Variants in ABCA1 observed in about 807,000 individuals in gnomAD.
ABCA1 encodes the protein ATP binding cassette subfamily A member 1, also known as phospholipid-transporting ATPase ABCA1.
In ABCA1, 133 loss-of-function variants were observed where a neutral mutation model predicts 262.5. That is an observed-to-expected ratio of 0.51 (90% CI 0.44 to 0.59). The LOEUF is 0.59. Ranked by LOEUF, ABCA1 falls within the 20% of genes least tolerant of loss-of-function variation. ABCA1 has a pLI of 0.00. For missense variants in ABCA1, 2,452 were observed against 2,777.5 expected (o/e 0.88, Z 2.63); for synonymous variants, 1,022 against 1,043.5 (o/e 0.98, Z 0.40).
intron 5 of ABCA1, among the ~76,000 whole-genome samples, chr9:104,871,750 G>T (rs1389033137): frequency 6.6e-6 from 1 of 152,060 alleles, no homozygotes; most frequent in Non-Finnish European, 1.5e-5. Context: ...GAGATAGGAA[G>T]TATGAAGAAA....
chr9:104,810,759 T>C (rs1325849621), intron 29 of ABCA1, 41 bp downstream of exon 29: 1 of 1,614,014 alleles, frequency 6.2e-7, no homozygotes, highest in Non-Finnish European at 8.5e-7. Flanking sequence ...TTTGGTCTGC[T>C]CGAATCTTAC....
intron 2 of ABCA1, among the ~76,000 whole-genome samples, chr9:104,896,757 G>A (rs1404416760): frequency 1.1e-5 from 1 of 91,686 alleles, no homozygotes. Flanking sequence ...TTCAGACAGA[G>A]TTTCACTCTG....
rs191889535 is a variant in ABCA1 at position 104,794,574 on chromosome 9, A to G, written c.5383-64T>C. On this transcript the variant is annotated intron_variant, in intron 39 of 49. Transcript: ENST00000374736. ...GAGGGAGAAGAAACGGGTGTCATTCATGGTTTATCCTAAAAATGTATCAAG... is the reference window on the plus strand; with the variant it reads ...GAGGGAGAAGAAACGGGTGTCATTCGTGGTTTATCCTAAAAATGTATCAAG... The G allele has an allele frequency of 1.5e-3, 2,344 of 1,566,620 alleles. 35 individuals carry two copies. The highest frequency in any genetic ancestry group is 3.6e-3 in the East Asian group (159 of 43,978).
intron 42 of ABCA1, among the ~76,000 whole-genome samples, chr9:104,792,263 A>T (rs1829490813): frequency 6.6e-6 from 1 of 152,164 alleles, no homozygotes; most frequent in African/African-American, 2.4e-5. Context: ...TATCTACATA[A>T]TTTTTCATCT....
At chr9:104,804,408 C>T (rs1307181828) in intron 32 of ABCA1, among the ~76,000 whole-genome samples, 2 of 152,216 alleles carry the variant, frequency 1.3e-5, no homozygotes, top group African/African-American at 4.8e-5. Flanking sequence ...TTTCTATTTT[C>T]ATTCTAGACC....
At chr9:104,867,094 G>C (rs1356683468) in intron 5 of ABCA1, among the ~76,000 whole-genome samples, 1 of 152,178 alleles carries the variant, frequency 6.6e-6, no homozygotes, top group East Asian at 1.9e-4. Flanking sequence ...AGTGAGTTAG[G>C]GAAAAGATGA....
intron 8 of ABCA1, among the ~76,000 whole-genome samples, chr9:104,844,501 T>C (rs1834685150): frequency 6.6e-6 from 1 of 152,154 alleles, no homozygotes; most frequent in Non-Finnish European, 1.5e-5. Flanking sequence ...CATTTTTGTA[T>C]TTTCCAAGTC....
chr9:104,840,984 C>T (rs566806577), intron 8 of ABCA1, among the ~76,000 whole-genome samples: 4 of 152,312 alleles, frequency 2.6e-5, no homozygotes, highest in African/African-American at 9.6e-5. Context: ...TCAGGAACTG[C>T]TCTCATCCTC....
At chr9:104,889,024 A>G (rs1036455347) in intron 3 of ABCA1, 78 bp downstream of exon 3, 2 of 1,262,086 alleles carry the variant, frequency 1.6e-6, no homozygotes, top group Non-Finnish European at 2.3e-6. Flanking sequence ...TCTTTGGAAA[A>G]GTCCAATTTA....
intron 5 of ABCA1, among the ~76,000 whole-genome samples, chr9:104,862,669 CGGGCCGGGCCGGGCCGGGCCGGGCCG>C (rs1836654442): frequency 3.1e-4 from 3 of 9,814 alleles, no homozygotes; most frequent in Non-Finnish European, 6.7e-4. Flanking sequence ...CGGGCCGGGC[CGGGCCGGGCCGGGCCGGGCCGGGCCG>C]GGCCGGCCCC....
chr9:104,799,547 TTTAA>T (rs1300451697), intron 36 of ABCA1: 31 of 981,658 alleles, frequency 3.2e-5, no homozygotes, highest in Non-Finnish European at 3.6e-5. Flanking sequence ...TAAATTATAA[TTTAA>T]TTAACAATTT....
chr9:104,912,228 C>T (rs912290005), intron 1 of ABCA1, among the ~76,000 whole-genome samples: 1 of 152,222 alleles, frequency 6.6e-6, no homozygotes, highest in East Asian at 1.9e-4. Flanking sequence ...ATGTTGTCAA[C>T]AATATAATTT....
intron 11 of ABCA1, among the ~76,000 whole-genome samples, chr9:104,836,204 T>G (rs1833803645): frequency 1.3e-5 from 2 of 152,144 alleles, no homozygotes; most frequent in Admixed American, 1.3e-4. Flanking sequence ...TCGGAAGTGT[T>G]CCCCCTAGGT....
chr9:104,869,039 G>A (rs1837346261), intron 5 of ABCA1, among the ~76,000 whole-genome samples: 2 of 152,066 alleles, frequency 1.3e-5, no homozygotes, highest in South Asian at 4.1e-4. Flanking sequence ...GGGAAAGAAG[G>A]AGGAAAGGAG....
At chr9:104,870,066 G>T (rs1056443279) in intron 5 of ABCA1, among the ~76,000 whole-genome samples, 1 of 152,238 alleles carries the variant, frequency 6.6e-6, no homozygotes, top group African/African-American at 2.4e-5. Flanking sequence ...ATTCCCAAGA[G>T]AAACCAGGAT....
At chr9:104,893,287 T>G (rs562855233) in intron 2 of ABCA1, among the ~76,000 whole-genome samples, 4 of 151,540 alleles carry the variant, frequency 2.6e-5, no homozygotes, top group South Asian at 4.2e-4. Flanking sequence ...CTGGGCATGG[T>G]GGCGGGAGCC....
chr9:104,842,162 T>C (rs1834434575), intron 8 of ABCA1, among the ~76,000 whole-genome samples: 1 of 152,092 alleles, frequency 6.6e-6, no homozygotes, highest in Non-Finnish European at 1.5e-5. Flanking sequence ...TCTCCAGAGG[T>C]GGGTCAGAGG....
At chr9:104,864,907 C>A (rs932275511) in intron 5 of ABCA1, among the ~76,000 whole-genome samples, 1 of 152,214 alleles carries the variant, frequency 6.6e-6, no homozygotes, top group Non-Finnish European at 1.5e-5. Flanking sequence ...CTCCAGCCTC[C>A]TATCAGTGAA....
chr9:104,874,955 C>G (rs1374132145), intron 5 of ABCA1, among the ~76,000 whole-genome samples: 1 of 149,398 alleles, frequency 6.7e-6, no homozygotes. Flanking sequence ...AAGTGAGGAG[C>G]CCCTCTACCC....
Sources: gnomAD v4.1 joint callset for allele counts (sites outside exome capture counted in the v4.1 genomes callset) on GRCh38, gnomAD v4.1.1 for gene constraint, MANE v1.5 for transcripts, NCBI Gene and HGNC (gene_info 2026-07-23, HGNC 2026-07-21) for gene names.